The following CREM variants were observed in gnomAD, a reference collection of about 807,000 sequenced individuals.
CREM encodes cAMP responsive element modulator.
Under a neutral mutation model 37.3 loss-of-function variants are expected in CREM, and 13 were observed. That is an observed-to-expected ratio of 0.35 (90% CI 0.23 to 0.55). CREM has a LOEUF of 0.55. Among genes scored for constraint, CREM ranks in the 20% least tolerant of loss-of-function variants. The pLI, the probability that CREM is intolerant of heterozygous loss-of-function variation, is 0.88. For synonymous variants in CREM, 124 were observed against 120.2 expected (o/e 1.03, Z -0.21); for missense variants, 296 against 362.3 (o/e 0.82, Z 1.49).
intron 7 of CREM, chr10:35,210,600 A>G (rs2095644051): frequency 6.6e-6 from 1 of 152,086 alleles, no homozygotes; most frequent in Admixed American, 6.5e-5. Context: ...AAATTGTCTG[A>G]GTTATTGAGT....
intron 6 of CREM, among the ~76,000 whole-genome samples, chr10:35,199,329 A>C (rs2095314304): frequency 6.6e-6 from 1 of 152,240 alleles, no homozygotes; most frequent in Admixed American, 6.5e-5. Context: ...ACTACTTTTG[A>C]AAAATGCATA....
intron 2 of CREM, among the ~76,000 whole-genome samples, chr10:35,141,272 T>C (rs2091389651): frequency 1.3e-5 from 2 of 152,350 alleles, no homozygotes; most frequent in Admixed American, 6.5e-5. Flanking sequence ...ATTAGAAGTT[T>C]GGATTTTATC....
At chr10:35,144,231 T>C (rs2091804151) in intron 2 of CREM, among the ~76,000 whole-genome samples, 1 of 152,188 alleles carries the variant, frequency 6.6e-6, no homozygotes, top group African/African-American at 2.4e-5. Context: ...GCTGCTGACC[T>C]TCCATCTCTG....
intron 3 of CREM, among the ~76,000 whole-genome samples, chr10:35,151,817 G>A (rs994140089): frequency 1.3e-5 from 2 of 152,194 alleles, no homozygotes; most frequent in Admixed American, 1.3e-4. Context: ...CATGGATCAT[G>A]ATTTTTTGAA....
chr10:35,188,314 T>C lies in CREM; in HGVS notation c.524T>C (p.Ile175Thr). 3.1e-6 allele frequency: 5 copies of C among 1,614,208 alleles called. No homozygotes were observed. The highest frequency in any genetic ancestry group is 2.5e-6 in the Non-Finnish European group (3 of 1,180,038). Residue 175 changes from isoleucine (I) to threonine (T), a missense_variant, in exon 6 of 8, where the codon ATT (isoleucine) becomes ACT (threonine). This residue lies in a region of CREM where 257 missense variants were observed against 280.2 expected (regional missense o/e 0.92). Transcript: ENST00000685392. The stretch of plus-strand genomic sequence containing the variant: ...GGAGCTCCTCCACCAGGTGCTACAA[T>C]TGTACAGTACGCAGCACAATCAGCT... Reference protein sequence around the residue: ...NSGAPPPGATIVQYAAQSADG... With the variant: ...NSGAPPPGATTVQYAAQSADG...
rs751716855 is a variant in CREM at position 35,211,298 on chromosome 10, A to C, written c.800A>C (p.Lys267Thr). 3 of 1,614,168 alleles carry C rather than the reference A, an allele frequency of 1.9e-6. No individual in the cohort carries two copies. The highest frequency in any genetic ancestry group is 2.5e-6 in the Non-Finnish European group (3 of 1,180,032). ...ECRRKKKEYV[K>T]CLENRVAVLE... ...CGCAGGAAGAAGAAAGAATATGTCA[A>C]ATGTCTTGAAAATCGTGTGGCTGTG... is the stretch of plus-strand genomic sequence containing the variant. Residue 267 changes from lysine (K) to threonine (T), a missense_variant, in exon 8 of 8, where the codon AAA (lysine) becomes ACA (threonine). Lys to Thr is a moderately conservative substitution (Grantham distance 78). This residue lies in a region of CREM where 39 missense variants were observed against 82.0 expected (regional missense o/e 0.48). Coordinates refer to ENST00000685392, the MANE Select transcript of CREM (RefSeq NM_183011.2).
chr10:35,175,470 T>C (rs1412801951), intron 3 of CREM: 8 of 547,698 alleles, frequency 1.5e-5, no homozygotes, highest in Non-Finnish European at 2.0e-5. Context: ...CATAGTTAAG[T>C]TCTATCTCCA....
intron 3 of CREM, among the ~76,000 whole-genome samples, chr10:35,172,141 T>C (rs1463576742): frequency 1.3e-5 from 2 of 152,142 alleles, no homozygotes; most frequent in African/African-American, 4.8e-5. Context: ...TTGTTTTCTT[T>C]TGTTTTATGT....
intron 3 of CREM, among the ~76,000 whole-genome samples, chr10:35,155,086 C>G (rs914474244): frequency 6.6e-6 from 1 of 152,010 alleles, no homozygotes; most frequent in African/African-American, 2.4e-5. Context: ...ATAAAGCAAT[C>G]AGAGTCAAAT....
intron 2 of CREM, among the ~76,000 whole-genome samples, chr10:35,140,148 A>G (rs992524643): frequency 1.3e-5 from 2 of 152,182 alleles, no homozygotes; most frequent in African/African-American, 2.4e-5. Context: ...TTTACCTTCA[A>G]AAAAATAATT....
intron 6 of CREM, among the ~76,000 whole-genome samples, chr10:35,190,546 A>G (rs1253392823): frequency 1.3e-5 from 2 of 152,058 alleles, no homozygotes; most frequent in Admixed American, 6.6e-5. Context: ...CTTTTTTCTC[A>G]GTTTGATACA....
At chr10:35,159,046 G>T (rs1185311579) in intron 3 of CREM, among the ~76,000 whole-genome samples, 1 of 151,484 alleles carries the variant, frequency 6.6e-6, no homozygotes, top group Admixed American at 6.6e-5. Context: ...AATTCATCAG[G>T]GCTTTATCTA....
chr10:35,159,866 T>G (rs912437561), intron 3 of CREM, among the ~76,000 whole-genome samples: 2 of 152,186 alleles, frequency 1.3e-5, no homozygotes, highest in Non-Finnish European at 2.9e-5. Flanking sequence ...AACAACTCAA[T>G]AGTAAGAAAA....
chr10:35,148,922 G>C (rs141244424), intron 3 of CREM, among the ~76,000 whole-genome samples: 33 of 152,260 alleles, frequency 2.2e-4, no homozygotes, highest in Admixed American at 5.9e-4. Context: ...ACCAGTATCA[G>C]TTAGTACCTG....
At chr10:35,171,541 G>C (rs1043435849) in intron 3 of CREM, among the ~76,000 whole-genome samples, 5 of 152,150 alleles carry the variant, frequency 3.3e-5, no homozygotes, top group African/African-American at 1.2e-4. Flanking sequence ...TGTAAAGGAT[G>C]ATTTATGCCT....
At chr10:35,178,718 C>T (rs1036099400) in intron 3 of CREM, among the ~76,000 whole-genome samples, 171 bp from the exon 4 acceptor site, 2 of 152,226 alleles carry the variant, frequency 1.3e-5, no homozygotes, top group African/African-American at 2.4e-5. Flanking sequence ...TGCGTCTGCG[C>T]TTCCTTTCTT....
chr10:35,128,611 C>T (rs1026085405), intron 1 of CREM, among the ~76,000 whole-genome samples: 4 of 150,884 alleles, frequency 2.7e-5, no homozygotes, highest in Non-Finnish European at 4.4e-5. Flanking sequence ...CTGCAAGCTC[C>T]GCCTCCTGGG....
intron 3 of CREM, among the ~76,000 whole-genome samples, chr10:35,149,309 G>A (rs1054487505): frequency 2.0e-5 from 3 of 152,226 alleles, no homozygotes; most frequent in African/African-American, 7.2e-5. Flanking sequence ...AGTGTGCACA[G>A]AGGCACAGAG....
chr10:35,191,177 T>G (rs979171561), intron 6 of CREM, among the ~76,000 whole-genome samples: 1 of 151,974 alleles, frequency 6.6e-6, no homozygotes. Context: ...TTTCTTTAGT[T>G]GGTTCCTAAG....
Sources: allele counts gnomAD v4.1 joint callset (sites outside exome capture counted in the v4.1 genomes callset), GRCh38; gene constraint gnomAD v4.1.1; regional missense constraint gnomAD v4.1.1; transcripts MANE v1.5; gene names NCBI Gene and HGNC (gene_info 2026-07-23, HGNC 2026-07-21).